Variants in USP22 observed in about 807,000 individuals in gnomAD.
USP22 encodes the protein ubiquitin carboxyl-terminal hydrolase 22.
A neutral mutation model predicts 68.1 loss-of-function variants in USP22; 22 were observed. That is an observed-to-expected ratio of 0.32 (90% CI 0.23 to 0.46). USP22 has a LOEUF of 0.46. Ranked by LOEUF, USP22 falls within the 20% of genes least tolerant of loss-of-function variation. The probability of loss-of-function intolerance (pLI) is 1.00; values close to 1 mark genes in which losing one functional copy is unlikely to be tolerated. For missense variants in USP22, 433 were observed against 695.8 expected, an observed-to-expected ratio of 0.62 and a Z score of 4.25; for synonymous variants, 279 against 274.2, an observed-to-expected ratio of 1.02 and a Z score of -0.17.
intron 2 of USP22, among the ~76,000 whole-genome samples, chr17:21,027,283 C>A (rs1404181591): frequency 2.0e-5 from 1 of 50,200 alleles, no homozygotes. Flanking sequence ...CAAAGCGAGA[C>A]CCTGTCTCCA....
chr17:21,031,585 A>G, intron 1 of USP22, among the ~76,000 whole-genome samples: 1 of 143,852 alleles, frequency 7.0e-6, no homozygotes, highest in South Asian at 2.3e-4. Flanking sequence ...ACTCCATTAT[A>G]GTCTCTCTCT....
At chr17:21,014,379 G>A (rs1914066778) in intron 6 of USP22, among the ~76,000 whole-genome samples, 1 of 152,114 alleles carries the variant, frequency 6.6e-6, no homozygotes, top group Non-Finnish European at 1.5e-5. Flanking sequence ...AGGTGCTTGG[G>A]GTAACAGCAT....
chr17:21,020,244 C>CAAAAAAAAAAAACAAA, intron 3 of USP22, among the ~76,000 whole-genome samples: 1 of 73,252 alleles, frequency 1.4e-5, no homozygotes, highest in Non-Finnish European at 2.5e-5. Flanking sequence ...AATCAAAAAC[C>CAAAAAAAAAAAACAAA]AAAAAAAAAA....
chr17:21,006,019 A>G (rs925914072), intron 10 of USP22, among the ~76,000 whole-genome samples: 11 of 152,218 alleles, frequency 7.2e-5, no homozygotes, highest in African/African-American at 2.7e-4. Flanking sequence ...GAACACGTGG[A>G]ACCACCAGCA....
chr17:21,036,156 A>G (rs1972353617), intron 1 of USP22, among the ~76,000 whole-genome samples: 1 of 151,990 alleles, frequency 6.6e-6, no homozygotes, highest in Non-Finnish European at 1.5e-5. Flanking sequence ...ATGATATGAC[A>G]TTCTGGAAAG....
intron 7 of USP22, among the ~76,000 whole-genome samples, chr17:21,011,879 CCTA>C (rs1417748501): frequency 6.6e-6 from 1 of 152,164 alleles, no homozygotes; most frequent in African/African-American, 2.4e-5. Flanking sequence ...GAGACAATCT[CCTA>C]CTAATGGAAT....
chr17:21,018,570 A>G (rs1015073935), intron 4 of USP22, among the ~76,000 whole-genome samples: 3 of 151,950 alleles, frequency 2.0e-5, no homozygotes, highest in Non-Finnish European at 2.9e-5. Context: ...AAATTATCCA[A>G]ACATGGTGGT....
chr17:21,031,960 C>G (rs1248532887), intron 1 of USP22, among the ~76,000 whole-genome samples: 28 of 152,258 alleles, frequency 1.8e-4, no homozygotes, highest in Admixed American at 1.8e-3. Context: ...CTCTGACATA[C>G]TGATAAAACC....
Position 21,042,055 on chromosome 17 carries a change from C to G in USP22, c.171+610G>C, listed in dbSNP as rs188341866. Among the ~76,000 whole-genome samples, 1,007 of 152,368 alleles carry G rather than the reference C, an allele frequency of 6.6e-3. 16 individuals carry two copies. Among genetic ancestry groups the G allele is most frequent in the African/African-American group, 0.023 (961 of 41,584 alleles). ...CCGCGCCCCCCAGCCCGCCTCCTGC[C>G]CCAGCTCCCGTCCAAGGTCGCTCCT... On this transcript the variant is annotated intron_variant, in intron 1 of 12. Transcript: ENST00000261497.
chr17:21,038,240 TAATA>T (rs1205394510), intron 1 of USP22, among the ~76,000 whole-genome samples: 1 of 150,874 alleles, frequency 6.6e-6, no homozygotes, highest in Admixed American at 6.6e-5. Context: ...TATTTTTTTT[TAATA>T]AATAAATAAA....
chr17:21,006,134 A>G (rs1313835194), intron 10 of USP22, among the ~76,000 whole-genome samples: 1 of 152,206 alleles, frequency 6.6e-6, no homozygotes, highest in African/African-American at 2.4e-5. Context: ...GAGGAAATTA[A>G]TTTTAAGCCG....
chr17:21,003,347 G>C (rs1913659188), intron 12 of USP22, among the ~76,000 whole-genome samples: 1 of 152,194 alleles, frequency 6.6e-6, no homozygotes, highest in Non-Finnish European at 1.5e-5. Flanking sequence ...TCCCCCACTT[G>C]TGACAGCCCC....
chr17:21,043,123 A>ACCCCCCCC (rs1334241677), upstream of USP22: 25 of 18,882 alleles, frequency 1.3e-3, 4 homozygotes, highest in Admixed American at 2.3e-3. Context: ...AGATTACGTC[A>ACCCCCCCC]CCCCCCCCCC....
chr17:21,023,634 G>GACT (rs1703107195), intron 2 of USP22, among the ~76,000 whole-genome samples: 1 of 117,106 alleles, frequency 8.5e-6, no homozygotes, highest in Non-Finnish European at 1.7e-5. Flanking sequence ...GAGAGTGCCA[G>GACT]ACTATGTCTC....
At chr17:21,027,770 G>C (rs1026495579) in intron 2 of USP22, among the ~76,000 whole-genome samples, 1 of 152,152 alleles carries the variant, frequency 6.6e-6, no homozygotes, top group African/African-American at 2.4e-5. Flanking sequence ...GGAGTTTTGA[G>C]ACCAACCTGG....
chr17:21,020,244 C>CAAAAAAA lies in USP22; in HGVS notation c.418+862_418+868dup, dbSNP rs3047597. 1.3e-3 allele frequency among the ~76,000 whole-genome samples: 93 copies of CAAAAAAA among 73,262 alleles called. 2 individuals are homozygous for CAAAAAAA. The highest frequency in any genetic ancestry group is 2.4e-3 in the Admixed American group (14 of 5,908). The allele number at this position is 73,262 out of a possible 152,430, so 48.1% of individuals were successfully genotyped here. A position where few individuals can be genotyped will look rare whatever the true frequency, so the allele number is the denominator to read the frequency against. ...ATGAGCATCTGTCAGAATCAAAAAC[C>CAAAAAAA]AAAAAAAAAAAAAAAAAAAAAAAAA... is the stretch of plus-strand genomic sequence containing the variant. On this transcript the variant is annotated intron_variant, in intron 3 of 12. Coordinates refer to ENST00000261497, the MANE Select transcript of USP22 (RefSeq NM_015276.2).
At chr17:21,009,267 C>G (rs1282013866) in intron 8 of USP22, among the ~76,000 whole-genome samples, 3 of 152,128 alleles carry the variant, frequency 2.0e-5, no homozygotes, top group Non-Finnish European at 4.4e-5. Flanking sequence ...AATTTTGAAG[C>G]TGAAACACCA....
chr17:21,019,017 C>T, intron 4 of USP22, 67 bp downstream of exon 4: 1 of 1,524,810 alleles, frequency 6.6e-7, no homozygotes, highest in Non-Finnish European at 9.1e-7. Flanking sequence ...AAGAAACCCA[C>T]AATTCTGTAT....
At position 21,015,909 on chromosome 17, in the gene USP22, G is replaced by A; in HGVS notation, c.691-10C>T. ...GGTGTCCAGAGTAAAACTGCCAGAGGGCGGGGAAGGAAACCTTGTCAGGAA... is the reference window on the plus strand; with the variant it reads ...GGTGTCCAGAGTAAAACTGCCAGAGAGCGGGGAAGGAAACCTTGTCAGGAA... On this transcript the variant is annotated splice_polypyrimidine_tract_variant and intron_variant, in intron 5 of 12. Coordinates refer to ENST00000261497, the MANE Select transcript of USP22 (RefSeq NM_015276.2). 3 of 1,613,392 alleles carry A rather than the reference G, an allele frequency of 1.9e-6. No individual in the cohort carries two copies. The highest frequency in any genetic ancestry group is 1.7e-5 in the Admixed American group (1 of 59,882).
Sources: gnomAD v4.1 joint callset for allele counts (sites outside exome capture counted in the v4.1 genomes callset) on GRCh38, gnomAD v4.1.1 for gene constraint, MANE v1.5 for transcripts, NCBI Gene and HGNC (gene_info 2026-07-23, HGNC 2026-07-21) for gene names.